Variants in OSBPL6 observed in about 807,000 individuals in gnomAD.
OSBPL6 encodes the protein oxysterol binding protein like 6, also known as oxysterol-binding protein-related protein 6.
Under a neutral mutation model 125.8 loss-of-function variants are expected in OSBPL6, and 49 were observed. The ratio of observed to expected loss-of-function variants is 0.39; its 90% CI spans 0.31 to 0.49. The LOEUF is 0.49. Among genes scored for constraint, OSBPL6 ranks in the 20% least tolerant of loss-of-function variants. OSBPL6 has a pLI of 0.88. For synonymous variants in OSBPL6, 394 were observed against 391.8 expected (o/e 1.01, Z -0.07); for missense variants, 986 against 1,135.4 (o/e 0.87, Z 1.89).
chr2:178,400,625 A>G lies in OSBPL6; in HGVS notation c.*5066A>G, dbSNP rs1332225406. On this transcript the variant is annotated 3_prime_UTR_variant, in exon 25 of 25. Coordinates refer to ENST00000190611, the MANE Select transcript of OSBPL6 (RefSeq NM_032523.4). ...AAAGCTTGATTAAGGTATAACCGAC[A>G]TATAATACACTTCGCATATTTGAAC... The G allele has an allele frequency of 1.3e-5, 2 of 152,154 alleles. No homozygotes were observed. The highest frequency in any genetic ancestry group is 2.9e-5 in the Non-Finnish European group (2 of 68,034). The allele number at this position is 152,154 out of a possible 1,614,324, so 9.4% of individuals were successfully genotyped here. A position where few individuals can be genotyped will look rare whatever the true frequency, so the allele number is the denominator to read the frequency against.
chr2:178,395,361 A>G (rs1695767150), intron 24 of OSBPL6, 90 bp from the exon 25 acceptor site: 2 of 846,626 alleles, frequency 2.4e-6, no homozygotes, highest in African/African-American at 1.7e-5. Context: ...AACACTGCTT[A>G]TATGTCCATG....
rs71393412 is a variant in OSBPL6, at chr2:178,260,357, C to CTATATGTATATGTATATG, written c.-350-24562_-350-24545dup. Among the ~76,000 whole-genome samples, 952 of 151,368 alleles carry CTATATGTATATGTATATG rather than the reference C, an allele frequency of 6.3e-3. 6 individuals carry two copies. Among genetic ancestry groups the CTATATGTATATGTATATG allele is most frequent in the African/African-American group, 0.021 (861 of 41,130 alleles). On this transcript the variant is annotated intron_variant, in intron 1 of 24. Coordinates refer to ENST00000190611, the MANE Select transcript of OSBPL6 (RefSeq NM_032523.4). ...AGAGCCCTTCCAATTGACTTCCAAGCTATATGTATATGTATATGTATATGT... is the reference window on the plus strand; with the variant it reads ...AGAGCCCTTCCAATTGACTTCCAAGCTATATGTATATGTATATGTATATGTATATGTATATGTATATGT...
chr2:178,394,871 G>A (rs1695710886), intron 24 of OSBPL6, among the ~76,000 whole-genome samples: 2 of 152,116 alleles, frequency 1.3e-5, no homozygotes, highest in African/African-American at 4.8e-5. Context: ...ATTATTACAG[G>A]ATTATTTGCA....
At position 178,349,382 on chromosome 2, in the gene OSBPL6, A is replaced by T; in HGVS notation, c.1146A>T (p.Ala382=). Residue 382 remains alanine, a synonymous_variant, in exon 12 of 25, where the codon GCA becomes GCT. Transcript: ENST00000190611. Reference sequence around the variant, plus strand: ...TGCAAGAAGAATTTTGTCTAATCGCACAGAAAGGTAAGAACAAAAATAATG... The same window carrying T: ...TGCAAGAAGAATTTTGTCTAATCGCTCAGAAAGGTAAGAACAAAAATAATG... ...TKLQEEFCLI[A]QKVHSLLKSA... The T allele has an allele frequency of 6.2e-7, 1 of 1,614,100 alleles. No individual in the cohort carries two copies. Among genetic ancestry groups the T allele is most frequent in the Non-Finnish European group, 8.5e-7 (1 of 1,179,990 alleles).
At chr2:178,278,442 G>C (rs1482397851) in intron 1 of OSBPL6, among the ~76,000 whole-genome samples, 2 of 152,110 alleles carry the variant, frequency 1.3e-5, no homozygotes, top group Admixed American at 6.5e-5. Flanking sequence ...TTGACTTACT[G>C]TTGTGGATTA....
intron 13 of OSBPL6, among the ~76,000 whole-genome samples, chr2:178,368,579 T>C (rs1205668783): frequency 6.6e-6 from 1 of 152,120 alleles, no homozygotes. Context: ...CTACTTAAAA[T>C]GGAACCAAAC....
intron 1 of OSBPL6, among the ~76,000 whole-genome samples, chr2:178,222,803 A>G (rs540364154): frequency 2.6e-5 from 4 of 152,340 alleles, no homozygotes; most frequent in East Asian, 1.9e-4. Flanking sequence ...AAAATCTCCT[A>G]TAAATGATCC....
At chr2:178,293,167 T>C (rs148764076) in intron 2 of OSBPL6, among the ~76,000 whole-genome samples, 71 of 152,184 alleles carry the variant, frequency 4.7e-4, no homozygotes, top group Non-Finnish European at 9.3e-4. Context: ...CTAAAATTAT[T>C]CCAAAATAAA....
chr2:178,276,064 G>A (rs1472040612), intron 1 of OSBPL6, among the ~76,000 whole-genome samples: 1 of 152,160 alleles, frequency 6.6e-6, no homozygotes, highest in Non-Finnish European at 1.5e-5. Context: ...ATATAGATTA[G>A]TAAGCTTTGA....
chr2:178,337,780 G>T (rs1217625606), intron 9 of OSBPL6, among the ~76,000 whole-genome samples: 1 of 152,102 alleles, frequency 6.6e-6, no homozygotes, highest in Admixed American at 6.6e-5. Context: ...GTTAGAAAAA[G>T]GGTGATGGTT....
rs150008222 is a variant in OSBPL6 at position 178,339,705 on chromosome 2, C to A, written c.928C>A (p.Arg310=). 1.7e-5 allele frequency: 28 copies of A among 1,603,406 alleles called. No individual in the cohort carries two copies. Among genetic ancestry groups the A allele is most frequent in the African/African-American group, 8.1e-5 (6 of 74,148 alleles). ...NCVDISKKDK[R]VTRRWRTKSV... is the part of the protein sequence containing the mutation. ...TGTAGATATTTCAAAGAAAGACAAG[C>A]GGGTCACAAGACGATGGAGAACAAA... Residue 310 remains arginine, a synonymous_variant, in exon 11 of 25, where the codon CGG becomes AGG. Coordinates refer to ENST00000190611, the MANE Select transcript of OSBPL6 (RefSeq NM_032523.4).
chr2:178,287,220 A>T (rs1479236776), intron 2 of OSBPL6, among the ~76,000 whole-genome samples: 2 of 151,464 alleles, frequency 1.3e-5, no homozygotes, highest in Non-Finnish European at 2.9e-5. Flanking sequence ...CCCATAATGC[A>T]TTTAGAGTCC....
intron 3 of OSBPL6, among the ~76,000 whole-genome samples, chr2:178,321,977 T>C (rs1341418350): frequency 6.6e-6 from 1 of 152,238 alleles, no homozygotes; most frequent in African/African-American, 2.4e-5. Flanking sequence ...TATTTTACAG[T>C]TGTGGGTCCT....
chr2:178,394,753 C>A (rs1228645995), intron 24 of OSBPL6, among the ~76,000 whole-genome samples: 1 of 152,244 alleles, frequency 6.6e-6, no homozygotes, highest in South Asian at 2.1e-4. Context: ...GAACCAGACC[C>A]CACTGCCCAC....
intron 1 of OSBPL6, among the ~76,000 whole-genome samples, chr2:178,281,619 A>G (rs1392163346): frequency 6.6e-6 from 1 of 152,092 alleles, no homozygotes; most frequent in African/African-American, 2.4e-5. Flanking sequence ...CCATTGGTCT[A>G]TGTGTCTGTA....
At chr2:178,218,474 A>C (rs1407128155) in intron 1 of OSBPL6, among the ~76,000 whole-genome samples, 1 of 151,660 alleles carries the variant, frequency 6.6e-6, no homozygotes, top group Non-Finnish European at 1.5e-5. Flanking sequence ...AATGCTCTTC[A>C]TTCTATTAAT....
chr2:178,321,309 G>T (rs1437799960), intron 3 of OSBPL6, among the ~76,000 whole-genome samples: 1 of 152,114 alleles, frequency 6.6e-6, no homozygotes, highest in Non-Finnish European at 1.5e-5. Context: ...AGAGAAGATG[G>T]AATTCCAGGA....
chr2:178,231,638 ATTTTTTT>A (rs71023433), intron 1 of OSBPL6, among the ~76,000 whole-genome samples: 7 of 84,572 alleles, frequency 8.3e-5, no homozygotes, highest in African/African-American at 1.1e-4. Context: ...GGGTGGTCCC[ATTTTTTT>A]TTTTTTTTTT....
At chr2:178,393,619 C>T (rs1695598652) in intron 23 of OSBPL6, among the ~76,000 whole-genome samples, 2 of 152,186 alleles carry the variant, frequency 1.3e-5, no homozygotes, top group Non-Finnish European at 1.5e-5. Context: ...TATTAATAAA[C>T]TTCCTGTACA....
Sources: gnomAD v4.1 joint callset for allele counts (sites outside exome capture counted in the v4.1 genomes callset) on GRCh38, gnomAD v4.1.1 for gene constraint, MANE v1.5 for transcripts, NCBI Gene and HGNC (gene_info 2026-07-23, HGNC 2026-07-21) for gene names.